Variants in TNKS observed in about 807,000 individuals in gnomAD.
TNKS encodes tankyrase.
Under a neutral mutation model 135.8 loss-of-function variants are expected in TNKS, and 72 were observed. That is an observed-to-expected ratio of 0.53 (90% CI 0.44 to 0.64). The LOEUF (loss-of-function observed/expected upper bound fraction) is 0.64, where lower values mean the gene tolerates loss of function less well. TNKS is among the 30% of genes least tolerant of loss of function. The probability of loss-of-function intolerance (pLI) is 0.00; values close to 1 mark genes in which losing one functional copy is unlikely to be tolerated. For missense variants in TNKS, 1,769 were observed against 1,674.0 expected (o/e 1.06, Z -0.99); for synonymous variants, 849 against 649.3 (o/e 1.31, Z -4.68).
At chr8:9,609,747 A>G (rs1363073340) in intron 2 of TNKS, among the ~76,000 whole-genome samples, 2 of 152,236 alleles carry the variant, frequency 1.3e-5, no homozygotes, top group East Asian at 1.9e-4. Flanking sequence ...GTAGATTTAA[A>G]TAAGCTACTC....
At chr8:9,774,555 G>A (rs561965844) in intron 26 of TNKS, among the ~76,000 whole-genome samples, 2 of 152,268 alleles carry the variant, frequency 1.3e-5, no homozygotes, top group East Asian at 3.9e-4. Context: ...GGAAAATGAC[G>A]GTTTTTGGTC....
intron 3 of TNKS, among the ~76,000 whole-genome samples, chr8:9,663,806 A>G (rs893858428): frequency 1.3e-5 from 2 of 152,202 alleles, no homozygotes; most frequent in Admixed American, 6.5e-5. Context: ...GGGCAAGGTC[A>G]GTGGGCAGGG....
chr8:9,714,216 A>G (rs550577373), intron 11 of TNKS, among the ~76,000 whole-genome samples: 6 of 152,300 alleles, frequency 3.9e-5, no homozygotes, highest in African/African-American at 1.4e-4. Context: ...TATAACCTAG[A>G]CAGGCATGCT....
intron 2 of TNKS, among the ~76,000 whole-genome samples, chr8:9,585,192 G>A (rs911551069): frequency 1.3e-5 from 2 of 151,714 alleles, no homozygotes; most frequent in Non-Finnish European, 2.9e-5. Flanking sequence ...AAACAATTTA[G>A]TAGATGAATT....
chr8:9,664,592 G>A (rs1801902556), intron 3 of TNKS, among the ~76,000 whole-genome samples: 1 of 152,174 alleles, frequency 6.6e-6, no homozygotes, highest in African/African-American at 2.4e-5. Flanking sequence ...TAGGGGCTAT[G>A]TGCCAGGAAA....
intron 1 of TNKS, 38 bp from the exon 2 acceptor site, chr8:9,580,121 C>T: frequency 6.4e-7 from 1 of 1,566,732 alleles, no homozygotes; most frequent in Non-Finnish European, 8.8e-7. Flanking sequence ...TTTACAAAAT[C>T]AAATATATAT....
At chr8:9,645,866 C>T in intron 3 of TNKS, among the ~76,000 whole-genome samples, 1 of 152,090 alleles carries the variant, frequency 6.6e-6, no homozygotes, top group Non-Finnish European at 1.5e-5. Context: ...ACAGTTTTGA[C>T]TCATAGTTAT....
intron 25 of TNKS, among the ~76,000 whole-genome samples, chr8:9,767,283 GTA>G (rs1563221479): frequency 6.6e-6 from 1 of 152,104 alleles, no homozygotes; most frequent in African/African-American, 2.4e-5. Context: ...GAGAATAATG[GTA>G]TAATCTCTGT....
chr8:9,565,761 G>T (rs1404592202), intron 1 of TNKS, among the ~76,000 whole-genome samples: 1 of 152,086 alleles, frequency 6.6e-6, no homozygotes, highest in African/African-American at 2.4e-5. Context: ...GGAGGCTGAG[G>T]CAGGAGAATG....
intron 3 of TNKS, among the ~76,000 whole-genome samples, chr8:9,653,635 C>A (rs1205926108): frequency 6.6e-6 from 1 of 152,040 alleles, no homozygotes; most frequent in African/African-American, 2.4e-5. Flanking sequence ...ACTTCTACTC[C>A]AATGAGAAAG....
intron 1 of TNKS, among the ~76,000 whole-genome samples, chr8:9,576,769 T>A (rs1054649968): frequency 1.3e-5 from 2 of 152,096 alleles, no homozygotes; most frequent in African/African-American, 2.4e-5. Flanking sequence ...AAGAATGGAT[T>A]ATGGTTATCA....
Position 9,555,965 on chromosome 8 carries a change from A to G in TNKS, c.26A>G (p.His9Arg). 6.2e-7 allele frequency: 1 copy of G among 1,613,358 alleles called. No homozygotes were observed. The highest frequency in any genetic ancestry group is 1.1e-5 in the South Asian group (1 of 91,024). The change falls in exon 1 of 27, where the codon CAT becomes CGT. Residue 9 changes from histidine (H) to arginine (R), a missense_variant. His to Arg is a conservative substitution (Grantham distance 29). Coordinates refer to ENST00000310430, the MANE Select transcript of TNKS (RefSeq NM_003747.3). ...ATGGCGGCGTCGCGTCGCTCTCAGC[A>G]TCATCACCACCATCATCAACAACAG... is the stretch of plus-strand genomic sequence containing the variant. MAASRRSQ[H>R]HHHHHQQQLQ...
At position 9,661,260 on chromosome 8, in the gene TNKS, G is replaced by C. The variant is rs972334832; in HGVS notation, c.995-18691G>C. ...TTAAAGTTCATATGGAATCAAAAAA[G>C]AGCCTGCATTGCCAAGTCAATCCTA... On this transcript the variant is annotated intron_variant, in intron 3 of 26. Coordinates refer to ENST00000310430, the MANE Select transcript of TNKS (RefSeq NM_003747.3). Among the ~76,000 whole-genome samples, 10 of 152,142 alleles carry C rather than the reference G, an allele frequency of 6.6e-5. No individual in the cohort carries two copies. The East Asian group carries it at 1.5e-3, about 24-fold the overall frequency.
At chr8:9,581,129 C>T (rs182065339) in intron 2 of TNKS, among the ~76,000 whole-genome samples, 17 of 152,200 alleles carry the variant, frequency 1.1e-4, no homozygotes, top group African/African-American at 3.4e-4. Context: ...TCCCAGATGT[C>T]ATCCACTTCA....
chr8:9,588,272 C>A (rs2129055077), intron 2 of TNKS, among the ~76,000 whole-genome samples: 1 of 152,094 alleles, frequency 6.6e-6, no homozygotes, highest in Non-Finnish European at 1.5e-5. Context: ...AACTTGACAA[C>A]CAAATTGCTT....
intron 3 of TNKS, among the ~76,000 whole-genome samples, chr8:9,617,398 C>G (rs1411828379): frequency 2.0e-5 from 3 of 152,174 alleles, no homozygotes; most frequent in East Asian, 1.9e-4. Flanking sequence ...AAGAATATCT[C>G]TAGAGTCATT....
rs546441188 is a variant in TNKS, at chr8:9,736,235, G to C, written c.2643+749G>C. On this transcript the variant is annotated intron_variant, in intron 17 of 26. Transcript: ENST00000310430. The stretch of plus-strand genomic sequence containing the variant: ...TCATCAGCACCTTAAAAATATTCGA[G>C]TAGCAGGCACAGTGGCATGCGCCTG... Among the ~76,000 whole-genome samples, 30 of 151,236 alleles carry C rather than the reference G, an allele frequency of 2.0e-4. No individual in the cohort carries two copies. In the South Asian group the frequency reaches 6.3e-3, roughly 32 times the overall value.
chr8:9,750,725 A>C (rs1051458956), intron 18 of TNKS, among the ~76,000 whole-genome samples: 1 of 152,212 alleles, frequency 6.6e-6, no homozygotes, highest in South Asian at 2.1e-4. Context: ...GCCACCCCCA[A>C]ACCCACTGAG....
intron 3 of TNKS, among the ~76,000 whole-genome samples, chr8:9,678,826 G>T (rs1399937864): frequency 6.6e-6 from 1 of 152,042 alleles, no homozygotes; most frequent in Non-Finnish European, 1.5e-5. Context: ...TTTTCATTTA[G>T]TCTAATGTTT....
Sources: allele counts gnomAD v4.1 joint callset (sites outside exome capture counted in the v4.1 genomes callset), GRCh38; gene constraint gnomAD v4.1.1; transcripts MANE v1.5; gene names NCBI Gene and HGNC (gene_info 2026-07-23, HGNC 2026-07-21).